The following PINX1 variants were observed in gnomAD, a reference collection of about 807,000 sequenced individuals.
The protein encoded by PINX1 is PIN2 (TERF1) interacting telomerase inhibitor 1.
In PINX1, 34 loss-of-function variants were observed where a neutral mutation model predicts 25.4. That is an observed-to-expected ratio of 1.34 (90% CI 1.02 to 1.78). The LOEUF (loss-of-function observed/expected upper bound fraction) is 1.78. Among genes scored for constraint, PINX1 ranks in the 40% most tolerant of loss-of-function variants. The probability of loss-of-function intolerance (pLI) is 0.00; values close to 1 mark genes in which losing one functional copy is unlikely to be tolerated. For missense variants in PINX1, 592 were observed against 404.9 expected, an observed-to-expected ratio of 1.46 and a Z score of -3.97; for synonymous variants, 197 against 147.7, an observed-to-expected ratio of 1.33 and a Z score of -2.42.
chr8:10,831,811 T>G (rs1479088535), intron 3 of PINX1, 68 bp from the exon 4 acceptor site: 1 of 865,810 alleles, frequency 1.2e-6, no homozygotes, highest in African/African-American at 1.7e-5. Flanking sequence ...AGATGATACA[T>G]TTTGGAATCA....
chr8:10,765,390 C>G lies in PINX1; in HGVS notation c.*11G>C, dbSNP rs780856120. On this transcript the variant is annotated 3_prime_UTR_variant, in exon 7 of 7. Transcript: ENST00000314787. ...CAGCTGAGTGGTCGGAAGGCCCCGGCTGGGAAGGATTCATTTGGAATCTTT... is the reference window on the plus strand; with the variant it reads ...CAGCTGAGTGGTCGGAAGGCCCCGGGTGGGAAGGATTCATTTGGAATCTTT... The G allele has an allele frequency of 6.3e-7, 1 of 1,582,058 alleles. No homozygotes were observed. The highest frequency in any genetic ancestry group is 8.6e-7 in the Non-Finnish European group (1 of 1,168,520).
chr8:10,785,122 ATTGTG>A (rs999095065), intron 6 of PINX1, among the ~76,000 whole-genome samples: 2 of 152,214 alleles, frequency 1.3e-5, no homozygotes, highest in African/African-American at 4.8e-5. Context: ...CTAGTTCAAG[ATTGTG>A]TTTTAAACAG....
rs190571916 is a variant in PINX1, at chr8:10,773,178, G to C, written c.472-7262C>G. Among the ~76,000 whole-genome samples, 42 of 152,274 alleles carry C rather than the reference G, an allele frequency of 2.8e-4. 1 individual carries two copies. The Middle Eastern group carries it at 0.014, about 49-fold the overall frequency. On this transcript the variant is annotated intron_variant, in intron 6 of 6. Transcript: ENST00000314787. ...GTGAATACAATACGGCTGACTTTTG[G>C]AAGTGGCAGGTGCTTTTCCAGTGCA...
chr8:10,776,851 A>G (rs758572219), intron 6 of PINX1, among the ~76,000 whole-genome samples: 25 of 152,106 alleles, frequency 1.6e-4, no homozygotes, highest in Non-Finnish European at 3.1e-4. Context: ...CTTCCCCCAC[A>G]CTGCAACCCA....
intron 5 of PINX1, among the ~76,000 whole-genome samples, chr8:10,825,010 T>G (rs1281179880): frequency 6.6e-6 from 1 of 151,944 alleles, no homozygotes; most frequent in Non-Finnish European, 1.5e-5. Context: ...AAGTTCCATG[T>G]GAGAGAAAGA....
At chr8:10,825,574 G>C (rs777981081) in intron 5 of PINX1, 32 of 422,012 alleles carry the variant, frequency 7.6e-5, no homozygotes, top group Non-Finnish European at 1.4e-4. Flanking sequence ...AGGGGCTAGG[G>C]AGGTGGTGAT....
intron 6 of PINX1, among the ~76,000 whole-genome samples, chr8:10,790,330 G>A (rs1042766299): frequency 6.6e-6 from 1 of 152,210 alleles, no homozygotes; most frequent in South Asian, 2.1e-4. Context: ...GACATGCACT[G>A]ATGAGTACAT....
At chr8:10,816,380 C>A (rs187289660) in intron 6 of PINX1, among the ~76,000 whole-genome samples, 1 of 152,190 alleles carries the variant, frequency 6.6e-6, no homozygotes, top group African/African-American at 2.4e-5. Flanking sequence ...TCAAGGGCTG[C>A]AGATGTTTCT....
chr8:10,769,883 T>A (rs571630022), intron 6 of PINX1, among the ~76,000 whole-genome samples: 2 of 152,282 alleles, frequency 1.3e-5, no homozygotes, highest in South Asian at 4.1e-4. Context: ...AAAACTAAAG[T>A]ATGTATCAAT....
At chr8:10,783,532 G>C (rs1801657436) in intron 6 of PINX1, among the ~76,000 whole-genome samples, 2 of 152,146 alleles carry the variant, frequency 1.3e-5, no homozygotes, top group Non-Finnish European at 2.9e-5. Flanking sequence ...TATCTTCCTT[G>C]ATCTCTGCAA....
At chr8:10,810,583 GAT>G (rs1440761924) in intron 6 of PINX1, among the ~76,000 whole-genome samples, 2 of 152,114 alleles carry the variant, frequency 1.3e-5, no homozygotes, top group East Asian at 3.9e-4. Context: ...CATAATTCTA[GAT>G]ATGAGGAAAT....
intron 6 of PINX1, among the ~76,000 whole-genome samples, chr8:10,773,192 T>C (rs543130244): frequency 1.3e-5 from 2 of 152,304 alleles, no homozygotes; most frequent in East Asian, 3.9e-4. Context: ...TGGCAGGTGC[T>C]TTTCCAGTGC....
chr8:10,780,725 GA>G (rs1344546416), intron 6 of PINX1, among the ~76,000 whole-genome samples: 1 of 152,022 alleles, frequency 6.6e-6, no homozygotes, highest in Admixed American at 6.5e-5. Flanking sequence ...CAGATAGATG[GA>G]AAGATATTCC....
intron 5 of PINX1, chr8:10,822,053 T>G (rs1279934160): frequency 6.6e-6 from 1 of 152,224 alleles, no homozygotes; most frequent in Non-Finnish European, 1.5e-5. Context: ...TCAGAAATTT[T>G]TAGCCTTTAG....
intron 6 of PINX1, among the ~76,000 whole-genome samples, chr8:10,774,649 G>C (rs1801332367): frequency 6.6e-6 from 1 of 152,164 alleles, no homozygotes; most frequent in African/African-American, 2.4e-5. Flanking sequence ...TAGTTACATG[G>C]AATAATTAAG....
intron 5 of PINX1, among the ~76,000 whole-genome samples, chr8:10,822,971 G>A (rs998581351): frequency 6.6e-6 from 1 of 152,130 alleles, no homozygotes; most frequent in Non-Finnish European, 1.5e-5. Flanking sequence ...CTTTTTAAAT[G>A]GCAAACACAC....
intron 6 of PINX1, among the ~76,000 whole-genome samples, chr8:10,790,751 T>G (rs1012382298): frequency 2.0e-5 from 3 of 152,062 alleles, no homozygotes; most frequent in Non-Finnish European, 2.9e-5. Flanking sequence ...TCATTCTTAG[T>G]GCTTTATCTC....
chr8:10,811,283 A>G (rs1471686520), intron 6 of PINX1, among the ~76,000 whole-genome samples: 1 of 152,244 alleles, frequency 6.6e-6, no homozygotes, highest in African/African-American at 2.4e-5. Context: ...TCAAGTGCCT[A>G]TTCACAACAC....
At chr8:10,796,162 T>C (rs1196216659) in intron 6 of PINX1, among the ~76,000 whole-genome samples, 8 of 152,114 alleles carry the variant, frequency 5.3e-5, no homozygotes, top group Non-Finnish European at 1.0e-4. Flanking sequence ...AGAGAATATC[T>C]GCTGAGTGCA....
Sources: allele counts gnomAD v4.1 joint callset (sites outside exome capture counted in the v4.1 genomes callset), GRCh38; gene constraint gnomAD v4.1.1; transcripts MANE v1.5; gene names NCBI Gene and HGNC (gene_info 2026-07-23, HGNC 2026-07-21).